The following MAN2A2 variants were observed in gnomAD, a reference collection of about 807,000 sequenced individuals.
MAN2A2 encodes the protein alpha-mannosidase 2x.
Under a neutral mutation model 126.8 loss-of-function variants are expected in MAN2A2, and 79 were observed. The observed-to-expected ratio is 0.62, with a 90% CI of 0.52 to 0.75. The LOEUF is 0.75. MAN2A2 is among the 30% of genes least tolerant of loss of function. The pLI, the probability that MAN2A2 is intolerant of heterozygous loss-of-function variation, is 0.00. For missense variants in MAN2A2, 1,392 were observed against 1,522.4 expected, an observed-to-expected ratio of 0.91 and a Z score of 1.43; for synonymous variants, 671 against 618.7, an observed-to-expected ratio of 1.08 and a Z score of -1.25.
At chr15:90,909,681 G>A (rs1169359786) in intron 9 of MAN2A2, among the ~76,000 whole-genome samples, 177 bp downstream of exon 9, 1 of 150,284 alleles carries the variant, frequency 6.7e-6, no homozygotes, top group Non-Finnish European at 1.5e-5. Flanking sequence ...TTGGCTCACT[G>A]CCAGCTCCGC....
chr15:90,918,774 CAG>C lies in MAN2A2; in HGVS notation c.3300+22_3300+23del, dbSNP rs1306090706. The C allele has an allele frequency of 1.3e-6, 2 of 1,494,642 alleles. No homozygotes were observed. The highest frequency in any genetic ancestry group is 1.1e-5 in the South Asian group (1 of 87,986). 92.6% of individuals were successfully genotyped at this position (1,494,642 alleles called of 1,614,324 possible). On this transcript the variant is annotated intron_variant, in intron 22 of 22. Transcript: ENST00000559717. ...AGGCAAGGTGAGTAGGGTGGGGAAACAGAGCACCTAGGAATGGCAGGCATGAG... is the reference window on the plus strand; with the variant it reads ...AGGCAAGGTGAGTAGGGTGGGGAAACAGCACCTAGGAATGGCAGGCATGAG...
At chr15:90,907,639 A>G (rs2034406999) in intron 8 of MAN2A2, 144 bp downstream of exon 8, 1 of 726,996 alleles carries the variant, frequency 1.4e-6, no homozygotes, top group East Asian at 2.7e-5. Context: ...GTCTCCTGAA[A>G]AACTGGAATG....
Position 90,910,967 on chromosome 15 carries a change from C to T in MAN2A2, c.1875+6C>T. 6 of 1,610,574 alleles carry T rather than the reference C, an allele frequency of 3.7e-6. No individual in the cohort carries two copies. Among genetic ancestry groups the T allele is most frequent in the Non-Finnish European group, 5.1e-6 (6 of 1,177,034 alleles). On this transcript the variant is annotated splice_donor_region_variant and intron_variant, in intron 12 of 22. Coordinates refer to ENST00000559717, the MANE Select transcript of MAN2A2 (RefSeq NM_006122.4). ...AGGCGCCCTTCCTCCAAGTGGTGAG[C>T]CCCTCCTGGGTCTGCATGGGGACCC...
intron 1 of MAN2A2, 61 bp from the exon 2 acceptor site, chr15:90,904,129 G>T (rs1337176807): frequency 1.9e-6 from 3 of 1,590,248 alleles, no homozygotes; most frequent in East Asian, 4.5e-5. Flanking sequence ...GGGGTATTTG[G>T]TGGAAAGACT....
intron 8 of MAN2A2, 137 bp from the exon 9 acceptor site, chr15:90,909,190 A>G (rs571565944): frequency 8.4e-6 from 6 of 711,546 alleles, no homozygotes; most frequent in Non-Finnish European, 1.4e-5. Context: ...ATTCATGTGC[A>G]GGAGGTGTCT....
chr15:90,916,303 TG>T, intron 20 of MAN2A2, 47 bp downstream of exon 20: 1 of 1,587,298 alleles, frequency 6.3e-7, no homozygotes. Flanking sequence ...GGCTAGTCCC[TG>T]GGGGTGGCCG....
At position 90,910,160 on chromosome 15, in the gene MAN2A2, G is replaced by T. The variant is rs773897796; in HGVS notation, c.1445G>T (p.Arg482Leu). 6.2e-7 allele frequency: 1 copy of T among 1,614,096 alleles called. No individual in the cohort carries two copies. Among genetic ancestry groups the T allele is most frequent in the Non-Finnish European group, 8.5e-7 (1 of 1,180,014 alleles). Residue 482 changes from arginine to leucine, a missense_variant, in exon 10 of 23, where the codon CGG (arginine) becomes CTG (leucine). By Grantham distance (102) the Arg-to-Leu change is moderately radical. Coordinates refer to ENST00000559717, the MANE Select transcript of MAN2A2 (RefSeq NM_006122.4). ...AGGACAGGGGTGGAGCCAGGGGCCC[G>T]GCCTCCAGGGTTTCCTGTGCTGAGC... ...YKRTGVEPGA[R>L]PPGFPVLSGD...
intron 20 of MAN2A2, 155 bp downstream of exon 20, chr15:90,916,411 T>A: frequency 8.6e-7 from 1 of 1,161,644 alleles, no homozygotes; most frequent in Non-Finnish European, 1.2e-6. Flanking sequence ...AGTCTGGCGT[T>A]TTGTGTCCCA....
intron 20 of MAN2A2, among the ~76,000 whole-genome samples, chr15:90,917,426 G>A (rs927167624): frequency 2.6e-5 from 4 of 152,342 alleles, no homozygotes; most frequent in African/African-American, 7.2e-5. Context: ...AGCATGTCAC[G>A]CTGACAGTAC....
At position 90,906,382 on chromosome 15, in the gene MAN2A2, C is replaced by T. The variant is rs149181282; in HGVS notation, c.720C>T (p.Asn240=). 38 of 1,614,076 alleles carry T rather than the reference C, an allele frequency of 2.4e-5. No homozygotes were observed. Among genetic ancestry groups the T allele is most frequent in the Admixed American group, 1.8e-4 (11 of 60,004 alleles). Residue 240 remains asparagine (N), a synonymous_variant, in exon 6 of 23, where the codon AAC becomes AAT. Coordinates refer to ENST00000559717, the MANE Select transcript of MAN2A2 (RefSeq NM_006122.4). ...KRAAVRRLVG[N]GQLEIATGGW... ...TCCTTAACTATAGGCTGGTGGGAAA[C>T]GGGCAGCTGGAGATTGCGACAGGAG...
intron 8 of MAN2A2, among the ~76,000 whole-genome samples, chr15:90,907,756 C>T (rs550072252): frequency 3.9e-5 from 6 of 152,314 alleles, no homozygotes; most frequent in African/African-American, 1.4e-4. Context: ...GTGAAGGATT[C>T]CCAGGTTAGA....
chr15:90,919,497 C>G (rs963007087), intron 22 of MAN2A2, 138 bp from the exon 23 acceptor site: 2 of 1,067,460 alleles, frequency 1.9e-6, no homozygotes, highest in Non-Finnish European at 2.7e-6. Flanking sequence ...CCTTGGCCTC[C>G]CAAAGTGCTG....
At chr15:90,902,831 G>A (rs1040831325), upstream of MAN2A2, 2 of 146,670 alleles carry the variant, frequency 1.4e-5, no homozygotes, top group Non-Finnish European at 3.0e-5. Flanking sequence ...GCGCGGCAGC[G>A]GCGCGCGGAG....
At chr15:90,907,641 A>T (rs1277426993) in intron 8 of MAN2A2, 146 bp downstream of exon 8, 5 of 713,942 alleles carry the variant, frequency 7.0e-6, no homozygotes, top group African/African-American at 1.8e-5. Context: ...CTCCTGAAAA[A>T]CTGGAATGGC....
At chr15:90,906,650 G>C in intron 6 of MAN2A2, 90 bp from the exon 7 acceptor site, 6 of 1,573,040 alleles carry the variant, frequency 3.8e-6, no homozygotes, top group Non-Finnish European at 5.2e-6. Flanking sequence ...TCACTACCAG[G>C]ACAAGAGCTG....
intron 18 of MAN2A2, 92 bp downstream of exon 18, chr15:90,913,498 C>G: frequency 1.0e-5 from 16 of 1,571,642 alleles, no homozygotes; most frequent in Non-Finnish European, 1.4e-5. Flanking sequence ...ATGATCTGCC[C>G]TGATGGAGAA....
chr15:90,916,335 G>A (rs2035179444), intron 20 of MAN2A2, 79 bp downstream of exon 20: 2 of 1,539,064 alleles, frequency 1.3e-6, no homozygotes, highest in East Asian at 2.3e-5. Context: ...CCTAGGGCTC[G>A]AGGAGCGTAG....
Position 90,905,207 on chromosome 15 carries a change from T to G in MAN2A2, c.133-44T>G, listed in dbSNP as rs540863623. On this transcript the variant is annotated intron_variant, in intron 2 of 22. Coordinates refer to ENST00000559717, the MANE Select transcript of MAN2A2 (RefSeq NM_006122.4). ...AGACCCCAAGCAGAGACCCTCCCTG[T>G]GGCATAAGGAGCTGTGTGTGATTGC... 4.4e-6 allele frequency: 7 copies of G among 1,596,336 alleles called. No individual in the cohort carries two copies. In the East Asian group the frequency reaches 1.3e-4, roughly 31 times the overall value.
In MAN2A2 at chr15:90,916,158, C is replaced by G. The variant is rs2035160509; in HGVS notation, c.2896C>G (p.Gln966Glu). 1.2e-6 allele frequency: 2 copies of G among 1,613,936 alleles called. No homozygotes were observed. Among genetic ancestry groups the G allele is most frequent in the Non-Finnish European group, 1.7e-6 (2 of 1,180,028 alleles). ...LEVILDRRLM[Q>E]DDNRGLGQGL... is the part of the protein sequence containing the mutation. ...GGTGATCTTGGACCGGCGGCTGATG[C>G]AGGATGACAACCGGGGCCTAGGCCA... Residue 966 changes from glutamine to glutamate, a missense_variant, in exon 20 of 23, where the codon CAG (glutamine) becomes GAG (glutamate). Gln to Glu is a conservative substitution (Grantham distance 29). Coordinates refer to ENST00000559717, the MANE Select transcript of MAN2A2 (RefSeq NM_006122.4).
Sources: allele counts gnomAD v4.1 joint callset (sites outside exome capture counted in the v4.1 genomes callset), GRCh38; gene constraint gnomAD v4.1.1; transcripts MANE v1.5; gene names NCBI Gene and HGNC (gene_info 2026-07-23, HGNC 2026-07-21).